CDH4: variants seen among roughly 807,000 people sequenced by gnomAD.
CDH4 encodes the protein cadherin 4.
Under a neutral mutation model 86.0 loss-of-function variants are expected in CDH4, and 33 were observed. That is an observed-to-expected ratio of 0.38 (90% CI 0.29 to 0.51). The LOEUF (loss-of-function observed/expected upper bound fraction) is 0.51, where lower values mean the gene tolerates loss of function less well. CDH4 is among the 20% of genes least tolerant of loss of function. The pLI, the probability that CDH4 is intolerant of heterozygous loss-of-function variation, is 0.86. For missense variants in CDH4, 1,114 were observed against 1,307.4 expected (o/e 0.85, Z 2.28); for synonymous variants, 555 against 549.4 (o/e 1.01, Z -0.14).
chr20:61,804,227 A>G (rs1312014877), intron 4 of CDH4, among the ~76,000 whole-genome samples: 1 of 152,222 alleles, frequency 6.6e-6, no homozygotes, highest in Non-Finnish European at 1.5e-5. Flanking sequence ...ATTCGCCCTC[A>G]GGTGAGGGGC....
intron 4 of CDH4, among the ~76,000 whole-genome samples, chr20:61,795,077 G>T: frequency 7.5e-6 from 1 of 132,626 alleles, no homozygotes; most frequent in Non-Finnish European, 1.6e-5. Context: ...TAATGGTGAG[G>T]GTGATGATGT....
chr20:61,914,704 G>T (rs1031244348), intron 9 of CDH4, among the ~76,000 whole-genome samples: 2 of 152,170 alleles, frequency 1.3e-5, no homozygotes, highest in Non-Finnish European at 2.9e-5. Context: ...GAAAGGTGCT[G>T]CCACTCCACA....
intron 2 of CDH4, among the ~76,000 whole-genome samples, chr20:61,433,521 C>A (rs747245345): frequency 3.3e-5 from 5 of 151,230 alleles, no homozygotes; most frequent in Non-Finnish European, 7.4e-5. Context: ...AAAAAAAAAC[C>A]TGCTAGAATT....
chr20:61,804,516 G>GA (rs993427487), intron 4 of CDH4, among the ~76,000 whole-genome samples: 5 of 152,194 alleles, frequency 3.3e-5, no homozygotes, highest in African/African-American at 1.2e-4. Flanking sequence ...GAGCCACACC[G>GA]AAAGCACTCA....
intron 2 of CDH4, among the ~76,000 whole-genome samples, chr20:61,612,861 C>T (rs2086695598): frequency 6.6e-6 from 1 of 152,092 alleles, no homozygotes; most frequent in Admixed American, 6.5e-5. Context: ...TCTGCATTCT[C>T]CTCATTGGTC....
At chr20:61,815,423 C>T (rs763814954) in intron 4 of CDH4, among the ~76,000 whole-genome samples, 2 of 152,208 alleles carry the variant, frequency 1.3e-5, no homozygotes, top group African/African-American at 2.4e-5. Flanking sequence ...GGAAGCCGCC[C>T]GTCGCTGTTT....
intron 5 of CDH4, among the ~76,000 whole-genome samples, chr20:61,847,458 C>T (rs929936638): frequency 3.9e-5 from 6 of 152,200 alleles, no homozygotes. Flanking sequence ...AAATTTTCAA[C>T]CCACCATGTG....
intron 7 of CDH4, among the ~76,000 whole-genome samples, chr20:61,885,242 C>G (rs1984487427): frequency 6.6e-6 from 1 of 152,210 alleles, no homozygotes; most frequent in Admixed American, 6.5e-5. Flanking sequence ...GCAACCATCA[C>G]CTTGACTTAG....
intron 2 of CDH4, among the ~76,000 whole-genome samples, chr20:61,638,205 A>G (rs1480212385): frequency 2.0e-5 from 3 of 152,314 alleles, no homozygotes; most frequent in African/African-American, 7.2e-5. Context: ...GTGCTGATCT[A>G]TGGATCGGCT....
At chr20:61,326,641 G>GGA (rs1412100835) in intron 2 of CDH4, among the ~76,000 whole-genome samples, 3 of 152,204 alleles carry the variant, frequency 2.0e-5, no homozygotes, top group African/African-American at 7.2e-5. Flanking sequence ...GGGGGTCATG[G>GGA]GAGAGCCTAT....
chr20:61,622,158 G>C (rs76090331), intron 2 of CDH4, among the ~76,000 whole-genome samples: 1 of 152,228 alleles, frequency 6.6e-6, no homozygotes, highest in Non-Finnish European at 1.5e-5. Flanking sequence ...GCTGGGTCTC[G>C]ATGCTCCACG....
In CDH4 at chr20:61,631,692, C is replaced by T. The variant is rs544405737; in HGVS notation, c.170-111871C>T. Among the ~76,000 whole-genome samples the T allele has an allele frequency of 3.9e-5, 6 of 152,318 alleles. No individual in the cohort carries two copies. The South Asian group carries it at 1.2e-3, about 32-fold the overall frequency. On this transcript the variant is annotated intron_variant, in intron 2 of 15. Coordinates refer to ENST00000614565, the MANE Select transcript of CDH4 (RefSeq NM_001794.5). The stretch of plus-strand genomic sequence containing the variant: ...GCTCAGGAATCTGCATTCTCAGGTG[C>T]ACCTCTGAGATTCTGACTCAGACTC...
Position 61,928,253 on chromosome 20 carries a change from C to A in CDH4, c.1835C>A (p.Ala612Asp), listed in dbSNP as rs951281332. 6.2e-7 allele frequency: 1 copy of A among 1,607,878 alleles called. No homozygotes were observed. Among genetic ancestry groups the A allele is most frequent in the Non-Finnish European group, 8.5e-7 (1 of 1,179,988 alleles). The change falls in exon 12 of 16, where the codon GCC (alanine) becomes GAC (aspartate). Residue 612 changes from alanine (A) to aspartate (D), a missense_variant. Physicochemically the swap from Ala to Asp is moderately radical, Grantham distance 126. Coordinates refer to ENST00000614565, the MANE Select transcript of CDH4 (RefSeq NM_001794.5). ...QIYLIDINDN[A>D]PELLPKEAQI... is the part of the protein sequence containing the mutation. ...TATCTCATTGACATCAACGACAACG[C>A]CCCTGAGCTGCTGCCCAAGGAGGCG...
At chr20:61,559,520 T>TTTTTC (rs2086201078) in intron 2 of CDH4, among the ~76,000 whole-genome samples, 2 of 67,182 alleles carry the variant, frequency 3.0e-5, no homozygotes, top group African/African-American at 1.7e-4. Flanking sequence ...TTTTTTTTTC[T>TTTTTC]TTTTTTTTTT....
Position 61,928,187 on chromosome 20 carries a change from C to T in CDH4, c.1772-3C>T. ...CGTGTGGTGACCTGTGTCTGTTCCA[C>T]AGGGATACCCCCGGCCAGCGGCACC... is the stretch of plus-strand genomic sequence containing the variant. On this transcript the variant is annotated splice_polypyrimidine_tract_variant and splice_region_variant and intron_variant, in intron 11 of 15. Transcript: ENST00000614565. The T allele has an allele frequency of 6.3e-7, 1 of 1,598,960 alleles. No individual in the cohort carries two copies. Among genetic ancestry groups the T allele is most frequent in the South Asian group, 1.1e-5 (1 of 91,070 alleles).
Position 61,289,487 on chromosome 20 carries a change from G to A in CDH4, c.169+34550G>A, listed in dbSNP as rs533484031. 3.9e-4 allele frequency among the ~76,000 whole-genome samples: 60 copies of A among 152,360 alleles called. 1 individual carries two copies. Among genetic ancestry groups the A allele is most frequent in the Non-Finnish European group, 6.3e-4 (43 of 68,032 alleles). ...AAGGGGTACGGGGTGTCGCCAGCCTGCAGTGCTGTGGGAGAGAAACAATCT... is the reference window on the plus strand; with the variant it reads ...AAGGGGTACGGGGTGTCGCCAGCCTACAGTGCTGTGGGAGAGAAACAATCT... On this transcript the variant is annotated intron_variant, in intron 2 of 15. Transcript: ENST00000614565.
rs1247196690 is a variant in CDH4 at position 61,544,419 on chromosome 20, G to A, written c.170-199144G>A. Among the ~76,000 whole-genome samples the A allele has an allele frequency of 3.3e-5, 5 of 151,978 alleles. No homozygotes were observed. The highest frequency in any genetic ancestry group is 6.6e-5 in the Admixed American group (1 of 15,254). Reference sequence around the variant, plus strand: ...CCCAGGAGAGAGGGGTGGGACTCCTGGTGTTCACTTCGTAGCTGTTCTGTG... The same window carrying A: ...CCCAGGAGAGAGGGGTGGGACTCCTAGTGTTCACTTCGTAGCTGTTCTGTG... On this transcript the variant is annotated intron_variant, in intron 2 of 15. Transcript: ENST00000614565. The surrounding 1 kb of genome is among the most constrained non-coding windows in gnomAD (Gnocchi z 6.5).
In CDH4 at chr20:61,373,007, G is replaced by A. The variant is rs117148406; in HGVS notation, c.169+118070G>A. On this transcript the variant is annotated intron_variant, in intron 2 of 15. Coordinates refer to ENST00000614565, the MANE Select transcript of CDH4 (RefSeq NM_001794.5). ...ATTTTTTTTTCATTTAGATGTTAAC[G>A]CTTTTATAAAAAGTACTTTTCATAA... Among the ~76,000 whole-genome samples, 257 of 152,252 alleles carry A rather than the reference G, an allele frequency of 1.7e-3. 1 individual carries two copies. Among genetic ancestry groups the A allele is most frequent in the African/African-American group, 5.8e-3 (242 of 41,542 alleles).
At position 61,374,371 on chromosome 20, in the gene CDH4, C is replaced by T. The variant is rs1015087872; in HGVS notation, c.169+119434C>T. On this transcript the variant is annotated intron_variant, in intron 2 of 15. Transcript: ENST00000614565. Reference sequence around the variant, plus strand: ...TGACTAGGGCACCCCATCTTGGCAGCGTGACATGTCGTGGCATCCCCTGGG... The same window carrying T: ...TGACTAGGGCACCCCATCTTGGCAGTGTGACATGTCGTGGCATCCCCTGGG... 3.3e-5 allele frequency among the ~76,000 whole-genome samples: 5 copies of T among 152,236 alleles called. No individual in the cohort carries two copies. In the South Asian group the frequency reaches 1.0e-3, roughly 32 times the overall value.
Sources: allele counts gnomAD v4.1 joint callset (sites outside exome capture counted in the v4.1 genomes callset), GRCh38; gene constraint gnomAD v4.1.1; non-coding constraint Gnocchi (gnomAD v3.1); transcripts MANE v1.5; gene names NCBI Gene and HGNC (gene_info 2026-07-23, HGNC 2026-07-21).